The following LINGO2 variants were observed in gnomAD, a reference collection of about 807,000 sequenced individuals.
LINGO2 encodes the protein leucine rich repeat and Ig domain containing 2, also known as leucine-rich repeat and immunoglobulin-like domain-containing nogo receptor-interacting protein 2.
LINGO2 carries 14 observed loss-of-function variants against 30.6 expected under a neutral mutation model. The ratio of observed to expected loss-of-function variants is 0.46; its 90% CI spans 0.30 to 0.72. The LOEUF (loss-of-function observed/expected upper bound fraction) is 0.72. Ranked by LOEUF, LINGO2 falls within the 30% of genes least tolerant of loss-of-function variation. LINGO2 has a pLI of 0.07. For synonymous variants in LINGO2, 317 were observed against 288.5 expected (o/e 1.10, Z -1.00); for missense variants, 729 against 751.7 (o/e 0.97, Z 0.35).
chr9:28,053,506 C>G (rs1219038763), intron 4 of LINGO2, among the ~76,000 whole-genome samples: 4 of 152,056 alleles, frequency 2.6e-5, no homozygotes, highest in African/African-American at 9.7e-5. Flanking sequence ...GAATCTGAAG[C>G]CTTAATTGAT....
chr9:28,596,584 G>T (rs990703445), intron 1 of LINGO2, among the ~76,000 whole-genome samples: 2 of 151,998 alleles, frequency 1.3e-5, no homozygotes, highest in East Asian at 3.9e-4. Flanking sequence ...TTCTCTGTAG[G>T]CTTTAGTGCT....
chr9:28,374,228 A>ATATG (rs1554713033), intron 2 of LINGO2, among the ~76,000 whole-genome samples: 2,156 of 146,950 alleles, frequency 0.015, 17 homozygotes, highest in Non-Finnish European at 0.022. Flanking sequence ...ATATATATAT[A>ATATG]TATGTAATAT....
At chr9:28,831,396 G>C in the LINGO2 span, among the ~76,000 whole-genome samples, 1 of 152,118 alleles carries the variant, frequency 6.6e-6, no homozygotes, top group Non-Finnish European at 1.5e-5. Context: ...CCCATGCAAG[G>C]ACACAAGTTA....
chr9:28,170,496 G>A (rs1198459691), intron 4 of LINGO2, among the ~76,000 whole-genome samples: 1 of 152,126 alleles, frequency 6.6e-6, no homozygotes, highest in Non-Finnish European at 1.5e-5. Context: ...TTATAAGGGT[G>A]GTGGCTGGCT....
intron 4 of LINGO2, among the ~76,000 whole-genome samples, chr9:28,151,570 A>T (rs1828000959): frequency 6.6e-6 from 1 of 151,890 alleles, no homozygotes; most frequent in Admixed American, 6.5e-5. Context: ...ATATAATTCA[A>T]GATGTGCTGA....
intron 1 of LINGO2, among the ~76,000 whole-genome samples, chr9:28,621,256 A>G (rs983617014): frequency 3.9e-5 from 6 of 152,108 alleles, no homozygotes; most frequent in Admixed American, 3.3e-4. Context: ...ACCACTAACT[A>G]TAAAATTATG....
At chr9:29,075,998 C>T in the LINGO2 span, among the ~76,000 whole-genome samples, 2 of 151,980 alleles carry the variant, frequency 1.3e-5, no homozygotes, top group Non-Finnish European at 2.9e-5. Context: ...AGTAATCCTC[C>T]CACCACAGCC....
chr9:28,041,366 G>C (rs1374427767), intron 4 of LINGO2, among the ~76,000 whole-genome samples: 1 of 152,168 alleles, frequency 6.6e-6, no homozygotes, highest in African/African-American at 2.4e-5. Context: ...ATACTGTACG[G>C]AGTGAGTGAG....
At chr9:28,103,504 T>C (rs1221572584) in intron 4 of LINGO2, among the ~76,000 whole-genome samples, 1 of 152,110 alleles carries the variant, frequency 6.6e-6, no homozygotes, top group African/African-American at 2.4e-5. Flanking sequence ...GTTAGCTTGC[T>C]GGAAGATGAA....
At chr9:29,053,857 T>C in the LINGO2 span, among the ~76,000 whole-genome samples, 12 of 152,104 alleles carry the variant, frequency 7.9e-5, no homozygotes, top group African/African-American at 2.2e-4. Context: ...TAAATGACTA[T>C]AATTTACAGC....
chr9:28,632,634 T>A lies in LINGO2; in HGVS notation c.-365+37566A>T, dbSNP rs1461630175. On this transcript the variant is annotated intron_variant, in intron 1 of 5. Transcript: ENST00000379992. ...ATATTATCTATATATTTATATATTT[T>A]TATATATATTTACATAGATATTTTA... 9.8e-5 allele frequency among the ~76,000 whole-genome samples: 13 copies of A among 132,260 alleles called. No homozygotes were observed. The East Asian group carries it at 2.3e-3, about 24-fold the overall frequency. The allele number at this position is 132,260 out of a possible 152,430, so 86.8% of individuals were successfully genotyped here.
At chr9:29,001,536 C>A in the LINGO2 span, among the ~76,000 whole-genome samples, 69,054 of 151,690 alleles carry the variant, frequency 0.46, 16,403 homozygotes, top group Non-Finnish European at 0.53. Context: ...AGATCAGCAA[C>A]TTCACTTCCT....
intron 2 of LINGO2, among the ~76,000 whole-genome samples, chr9:28,402,436 A>C (rs1209614795): frequency 1.3e-5 from 2 of 152,140 alleles, no homozygotes; most frequent in African/African-American, 4.8e-5. Flanking sequence ...AATCATCATC[A>C]AGGTGTCAAA....
At chr9:28,007,969 G>A (rs1822349941) in intron 5 of LINGO2, among the ~76,000 whole-genome samples, 1 of 152,164 alleles carries the variant, frequency 6.6e-6, no homozygotes, top group Non-Finnish European at 1.5e-5. Context: ...CAACATTCAT[G>A]TGGCATCTTC....
intron 1 of LINGO2, among the ~76,000 whole-genome samples, chr9:28,632,686 A>C (rs1827011287): frequency 8.2e-6 from 1 of 121,332 alleles, no homozygotes; most frequent in Non-Finnish European, 1.7e-5. Flanking sequence ...ATATAAAAAT[A>C]TATTTATATA....
At chr9:28,081,905 T>TA (rs1825784358) in intron 4 of LINGO2, among the ~76,000 whole-genome samples, 1 of 152,178 alleles carries the variant, frequency 6.6e-6, no homozygotes, top group African/African-American at 2.4e-5. Flanking sequence ...TATACCATGA[T>TA]ACAGAATTAA....
the LINGO2 span, among the ~76,000 whole-genome samples, chr9:29,080,391 C>T: frequency 6.6e-6 from 1 of 151,874 alleles, no homozygotes; most frequent in East Asian, 1.9e-4. Flanking sequence ...TTCAAAAAAC[C>T]AGCTCCTGGA....
At chr9:29,102,403 T>C in the LINGO2 span, among the ~76,000 whole-genome samples, 2 of 152,126 alleles carry the variant, frequency 1.3e-5, no homozygotes, top group African/African-American at 4.8e-5. Flanking sequence ...TTTAAAAAAA[T>C]AAAATCTGTT....
At position 28,208,165 on chromosome 9, in the gene LINGO2, T is replaced by C. The variant is rs138716658; in HGVS notation, c.-87+87043A>G. On this transcript the variant is annotated intron_variant, in intron 4 of 5. Transcript: ENST00000379992. ...ACATGTAGATTTTATAAATATATAA[T>C]TGTCCATTTATACTACAAGTGCAAT... 6.1e-3 allele frequency among the ~76,000 whole-genome samples: 921 copies of C among 152,224 alleles called. 18 individuals carry two copies. The highest frequency in any genetic ancestry group is 0.021 in the African/African-American group (868 of 41,562).
Sources: gnomAD v4.1 joint callset for allele counts (sites outside exome capture counted in the v4.1 genomes callset) on GRCh38, gnomAD v4.1.1 for gene constraint, MANE v1.5 for transcripts, NCBI Gene and HGNC (gene_info 2026-07-23, HGNC 2026-07-21) for gene names.